The following CALN1 variants were observed in gnomAD, a reference collection of about 807,000 sequenced individuals.
CALN1 encodes the protein calneuron 1.
In CALN1, 17 loss-of-function variants were observed where a neutral mutation model predicts 30.6. That is an observed-to-expected ratio of 0.56 (90% CI 0.38 to 0.83). The LOEUF is 0.83. Among genes scored for constraint, CALN1 ranks in the 40% least tolerant of loss-of-function variants. CALN1 has a pLI of 0.00. For synonymous variants in CALN1, 156 were observed against 131.4 expected, an observed-to-expected ratio of 1.19 and a Z score of -1.28; for missense variants, 291 against 354.9, an observed-to-expected ratio of 0.82 and a Z score of 1.45.
At chr7:72,498,142 CAATGTAT>C in the CALN1 span, among the ~76,000 whole-genome samples, 1 of 151,894 alleles carries the variant, frequency 6.6e-6, no homozygotes, top group Non-Finnish European at 1.5e-5. Context: ...AAAAGTAATC[CAATGTAT>C]AAAAAAGGTG....
At chr7:72,393,391 G>A (rs1393258193) in intron 2 of CALN1, among the ~76,000 whole-genome samples, 1 of 152,144 alleles carries the variant, frequency 6.6e-6, no homozygotes, top group Non-Finnish European at 1.5e-5. Flanking sequence ...GTGAACCTGG[G>A]AGGCAGAGCT....
In CALN1 at chr7:71,828,718, A is replaced by ATGTG. The variant is rs146892125; in HGVS notation, c.502-18230_502-18227dup. On this transcript the variant is annotated intron_variant, in intron 5 of 6. Transcript: ENST00000395275. ...TACATATATACATATATATATGTAT[A>ATGTG]TGTGTGTGTGTGTGTGTGTGTGTAA... Among the ~76,000 whole-genome samples the ATGTG allele has an allele frequency of 8.9e-3, 1,284 of 144,330 alleles. 18 individuals carry two copies. Among genetic ancestry groups the ATGTG allele is most frequent in the African/African-American group, 0.029 (1,116 of 39,098 alleles). 94.7% of individuals were successfully genotyped at this position (144,330 alleles called of 152,430 possible).
chr7:72,358,113 T>C (rs957142559), intron 2 of CALN1, among the ~76,000 whole-genome samples: 2 of 151,810 alleles, frequency 1.3e-5, no homozygotes, highest in African/African-American at 4.9e-5. Flanking sequence ...CACCTCAGCA[T>C]CCCAAAGTGC....
intron 5 of CALN1, among the ~76,000 whole-genome samples, chr7:71,960,192 T>TA (rs140570260): frequency 9.3e-4 from 134 of 143,872 alleles, no homozygotes; most frequent in Non-Finnish European, 1.4e-3. Flanking sequence ...TAAAATAAAA[T>TA]AAAAAAATAA....
chr7:72,144,470 AAAGC>A lies in CALN1; in HGVS notation c.245-38180_245-38177del, dbSNP rs1477797333. On this transcript the variant is annotated intron_variant, in intron 3 of 6. Coordinates refer to ENST00000395275, the MANE Select transcript of CALN1 (RefSeq NM_031468.4). Reference sequence around the variant, plus strand: ...CCAATACAGGAGCACCCAGATTCATAAAGCAAGTCCTTAGAGACCTACAAAGAGA... The same window carrying A: ...CCAATACAGGAGCACCCAGATTCATAAAGTCCTTAGAGACCTACAAAGAGA... Among the ~76,000 whole-genome samples, 9 of 152,352 alleles carry A rather than the reference AAAGC, an allele frequency of 5.9e-5. No individual in the cohort carries two copies. In the South Asian group the frequency reaches 1.9e-3, roughly 32 times the overall value.
At chr7:71,792,117 C>G (rs1786602246) in intron 6 of CALN1, among the ~76,000 whole-genome samples, 1 of 152,188 alleles carries the variant, frequency 6.6e-6, no homozygotes, top group Admixed American at 6.5e-5. Flanking sequence ...TGCGACCTGG[C>G]ACTAATTCAT....
chr7:72,396,235 T>TTAAAAAAA (rs1185933549), intron 2 of CALN1, among the ~76,000 whole-genome samples: 1 of 53,326 alleles, frequency 1.9e-5, no homozygotes, highest in African/African-American at 9.0e-5. Flanking sequence ...TTGTCTCTAC[T>TTAAAAAAA]AAAAAAAAAA....
At chr7:72,117,686 G>A (rs915434204) in intron 3 of CALN1, among the ~76,000 whole-genome samples, 3 of 152,022 alleles carry the variant, frequency 2.0e-5, no homozygotes, top group Non-Finnish European at 4.4e-5. Context: ...GGCCAGACAC[G>A]GTGGCTCCCA....
intron 2 of CALN1, among the ~76,000 whole-genome samples, chr7:72,351,930 G>GA (rs1296883690): frequency 2.6e-5 from 4 of 152,084 alleles, no homozygotes; most frequent in African/African-American, 9.7e-5. Context: ...AGTGCCTTTT[G>GA]AATGTTCATA....
intron 2 of CALN1, among the ~76,000 whole-genome samples, chr7:72,359,976 C>CAAAAAAAAAAAAAAAAAAAAAA (rs750054515): frequency 3.1e-4 from 20 of 63,946 alleles, no homozygotes; most frequent in African/African-American, 1.3e-3. Context: ...GACTCCATCT[C>CAAAAAAAAAAAAAAAAAAAAAA]AAAAAAAAAA....
intron 5 of CALN1, among the ~76,000 whole-genome samples, chr7:71,971,619 C>T (rs889518758): frequency 5.3e-5 from 8 of 151,998 alleles, no homozygotes; most frequent in East Asian, 1.9e-4. Flanking sequence ...AATACAGGGC[C>T]GTGTATGATG....
In CALN1 at chr7:72,336,591, C is replaced by G. The variant is rs1362276447; in HGVS notation, c.120-57781G>C. On this transcript the variant is annotated intron_variant, in intron 2 of 6. Coordinates refer to ENST00000395275, the MANE Select transcript of CALN1 (RefSeq NM_031468.4). The stretch of plus-strand genomic sequence containing the variant: ...CCAACCATCTGCCCACTCTGAGCAC[C>G]AGGGCCCGCGACAGCCCGGGGGTTT... The G allele has an allele frequency of 1.9e-5, 13 of 696,334 alleles. No homozygotes were observed. The Admixed American group carries it at 8.2e-4, about 44-fold the overall frequency. The allele number at this position is 696,334 out of a possible 1,614,324, so 43.1% of individuals were successfully genotyped here. A position where few individuals can be genotyped will look rare whatever the true frequency, so the allele number is the denominator to read the frequency against.
chr7:71,978,888 G>A (rs1042277757), intron 5 of CALN1, among the ~76,000 whole-genome samples: 2 of 152,220 alleles, frequency 1.3e-5, no homozygotes, highest in African/African-American at 4.8e-5. Flanking sequence ...ACAATTCTCT[G>A]TGGATCTCTT....
chr7:71,830,826 A>C (rs890363098), intron 5 of CALN1, among the ~76,000 whole-genome samples: 14 of 152,224 alleles, frequency 9.2e-5, no homozygotes, highest in Non-Finnish European at 2.1e-4. Flanking sequence ...TTATGTGGAT[A>C]GAACTCTTTT....
At chr7:71,833,994 C>T (rs1173925716) in intron 5 of CALN1, among the ~76,000 whole-genome samples, 2 of 152,034 alleles carry the variant, frequency 1.3e-5, no homozygotes, top group African/African-American at 2.4e-5. Context: ...GAGGCCGTGG[C>T]GGGTGGATCA....
intron 3 of CALN1, among the ~76,000 whole-genome samples, chr7:72,247,842 A>G (rs937202143): frequency 2.0e-5 from 3 of 152,112 alleles, no homozygotes; most frequent in Non-Finnish European, 4.4e-5. Context: ...AAAAATTTAA[A>G]AATTAGCCAG....
At chr7:72,286,540 C>T (rs1562840748) in intron 2 of CALN1, among the ~76,000 whole-genome samples, 3 of 152,166 alleles carry the variant, frequency 2.0e-5, no homozygotes, top group Non-Finnish European at 2.9e-5. Context: ...ATATGTCTTC[C>T]TCTCTGTTCA....
Position 71,790,313 on chromosome 7 carries a change from A to AG in CALN1, c.659-2412dup, listed in dbSNP as rs749428702. On this transcript the variant is annotated intron_variant, in intron 6 of 6. Transcript: ENST00000395275. Reference sequence around the variant, plus strand: ...CGAAGGAAGGAAGGAGAAAGAAAGAAGAAAGAAAGAAAGAAGGAAAGAAAG... The same window carrying AG: ...CGAAGGAAGGAAGGAGAAAGAAAGAAGGAAAGAAAGAAAGAAGGAAAGAAAG... Among the ~76,000 whole-genome samples the AG allele has an allele frequency of 7.6e-5, 11 of 145,542 alleles. No homozygotes were observed. In the South Asian group the frequency reaches 2.2e-3, roughly 29 times the overall value.
At chr7:72,155,804 G>A (rs548101156) in intron 3 of CALN1, among the ~76,000 whole-genome samples, 1 of 152,286 alleles carries the variant, frequency 6.6e-6, no homozygotes, top group East Asian at 1.9e-4. Flanking sequence ...GGGGCTCAAA[G>A]CAAGGTGGTA....
Sources: allele counts gnomAD v4.1 joint callset (sites outside exome capture counted in the v4.1 genomes callset), GRCh38; gene constraint gnomAD v4.1.1; transcripts MANE v1.5; gene names NCBI Gene and HGNC (gene_info 2026-07-23, HGNC 2026-07-21).